Variants in ARB2A observed in about 807,000 individuals in gnomAD.
ARB2A encodes the protein ARB2 cotranscriptional regulator A.
At chr5:94,075,245 A>G in the ARB2A span, among the ~76,000 whole-genome samples, 2 of 152,076 alleles carry the variant, frequency 1.3e-5, no homozygotes, top group African/African-American at 2.4e-5. Flanking sequence ...ACGTAAATAT[A>G]TAAAGTATCT....
the ARB2A span, among the ~76,000 whole-genome samples, chr5:93,874,087 T>C: frequency 6.6e-6 from 1 of 152,208 alleles, no homozygotes; most frequent in African/African-American, 2.4e-5. Flanking sequence ...GGTGTTTTGT[T>C]TCCTTTTGTC....
chr5:93,794,660 A>C, the ARB2A span, among the ~76,000 whole-genome samples: 2 of 152,084 alleles, frequency 1.3e-5, no homozygotes, highest in African/African-American at 4.8e-5. Context: ...GCTTCCTGAG[A>C]GCTGCACTGT....
At chr5:93,626,746 G>C in the ARB2A span, among the ~76,000 whole-genome samples, 3 of 152,188 alleles carry the variant, frequency 2.0e-5, no homozygotes, top group Non-Finnish European at 4.4e-5. Context: ...TTTGCTGGTG[G>C]AGGGTCTTGC....
chr5:94,020,522 T>C, the ARB2A span, among the ~76,000 whole-genome samples: 3 of 152,202 alleles, frequency 2.0e-5, no homozygotes, highest in African/African-American at 7.2e-5. Flanking sequence ...GTCTAGGTGA[T>C]TGCCTGGGTA....
chr5:94,074,516 A>G, the ARB2A span: 1 of 645,580 alleles, frequency 1.5e-6, no homozygotes, highest in Non-Finnish European at 2.6e-6. Flanking sequence ...GAGGGATATA[A>G]ATAATTGCAA....
chr5:93,960,134 G>A, the ARB2A span, among the ~76,000 whole-genome samples: 4 of 131,132 alleles, frequency 3.1e-5, no homozygotes, highest in East Asian at 2.1e-4. Flanking sequence ...CAGTCATTAC[G>A]CTTAGGAAGA....
chr5:93,656,869 G>C, the ARB2A span, among the ~76,000 whole-genome samples: 1 of 152,004 alleles, frequency 6.6e-6, no homozygotes, highest in Non-Finnish European at 1.5e-5. Context: ...GGATACCAGG[G>C]CTATTTATTT....
chr5:93,959,334 TAAC>T, the ARB2A span, among the ~76,000 whole-genome samples: 81 of 152,202 alleles, frequency 5.3e-4, no homozygotes, highest in African/African-American at 1.8e-3. Flanking sequence ...TCTCATTCAA[TAAC>T]AACCCATTTA....
chr5:93,817,083 C>T, the ARB2A span, among the ~76,000 whole-genome samples: 57 of 143,276 alleles, frequency 4.0e-4, 3 homozygotes, highest in East Asian at 0.011. Flanking sequence ...AAGGAATACA[C>T]ACAAACACAC....
the ARB2A span, among the ~76,000 whole-genome samples, chr5:93,641,132 G>A: frequency 6.6e-6 from 1 of 151,708 alleles, no homozygotes; most frequent in Non-Finnish European, 1.5e-5. Flanking sequence ...CCCGGGAGGT[G>A]GAGGTTGCAG....
the ARB2A span, chr5:93,737,974 CTT>C: frequency 2.3e-6 from 1 of 429,952 alleles, no homozygotes; most frequent in Non-Finnish European, 4.6e-6. Context: ...ATAAGCTGGA[CTT>C]AATAAAAATT....
the ARB2A span, among the ~76,000 whole-genome samples, chr5:93,892,966 T>C: frequency 6.6e-6 from 1 of 152,088 alleles, no homozygotes; most frequent in Non-Finnish European, 1.5e-5. Context: ...AAAAATATGG[T>C]TTTAATCTTT....
chr5:93,735,201 A>G, the ARB2A span: 1 of 152,244 alleles, frequency 6.6e-6, no homozygotes, highest in African/African-American at 2.4e-5. Flanking sequence ...AAGTTTCTAC[A>G]TATCATCTTA....
chr5:93,753,138 CA>C, the ARB2A span, among the ~76,000 whole-genome samples: 1 of 152,242 alleles, frequency 6.6e-6, no homozygotes, highest in African/African-American at 2.4e-5. Context: ...TATAGATTTT[CA>C]ATTACCTGAT....
chr5:93,808,216 A>G, the ARB2A span, among the ~76,000 whole-genome samples: 1 of 151,784 alleles, frequency 6.6e-6, no homozygotes, highest in East Asian at 1.9e-4. Flanking sequence ...CTAGTTAAAA[A>G]CTCTTCCTGG....
At chr5:93,799,558 GC>G in the ARB2A span, among the ~76,000 whole-genome samples, 1 of 152,056 alleles carries the variant, frequency 6.6e-6, no homozygotes, top group African/African-American at 2.4e-5. Context: ...AAAAATTAAT[GC>G]AAGTATATCA....
the ARB2A span, among the ~76,000 whole-genome samples, chr5:94,057,027 T>C: frequency 6.6e-6 from 1 of 152,188 alleles, no homozygotes. Flanking sequence ...TCTCTGCCGA[T>C]CTTCAAGCTG....
chr5:93,985,398 C>T, the ARB2A span, among the ~76,000 whole-genome samples: 1 of 151,778 alleles, frequency 6.6e-6, no homozygotes, highest in Non-Finnish European at 1.5e-5. Context: ...TTTCCATGGT[C>T]TCCCCCTCTC....
chr5:93,642,823 A>G, the ARB2A span, among the ~76,000 whole-genome samples: 2 of 152,242 alleles, frequency 1.3e-5, no homozygotes, highest in African/African-American at 2.4e-5. Context: ...TCCAGCCCCT[A>G]TTGACAATTA....
Sources: gnomAD v4.1 joint callset for allele counts (sites outside exome capture counted in the v4.1 genomes callset) on GRCh38, gnomAD v4.1.1 for gene constraint, MANE v1.5 for transcripts, NCBI Gene and HGNC (gene_info 2026-07-23, HGNC 2026-07-21) for gene names.